MECOM: variants seen among roughly 807,000 people sequenced by gnomAD.
The protein encoded by MECOM is MDS1 and EVI1 complex locus, also known as histone-lysine N-methyltransferase MECOM.
A neutral mutation model predicts 116.3 loss-of-function variants in MECOM; 13 were observed. The observed-to-expected ratio is 0.11, with a 90% CI of 0.07 to 0.18. The LOEUF is 0.18. Ranked by LOEUF, MECOM falls within the 10% of genes least tolerant of loss-of-function variation. MECOM has a pLI of 1.00. For synonymous variants in MECOM, 528 were observed against 535.2 expected, an observed-to-expected ratio of 0.99 and a Z score of 0.19; for missense variants, 1,299 against 1,509.0, an observed-to-expected ratio of 0.86 and a Z score of 2.31.
intron 1 of MECOM, among the ~76,000 whole-genome samples, chr3:169,389,049 T>C (rs1733831404): frequency 6.6e-6 from 1 of 152,208 alleles, no homozygotes; most frequent in Admixed American, 6.5e-5. Flanking sequence ...CTCCTGGTAT[T>C]GCGGCATACT....
At chr3:169,364,253 G>A (rs1728792482) in intron 2 of MECOM, among the ~76,000 whole-genome samples, 1 of 151,868 alleles carries the variant, frequency 6.6e-6, no homozygotes, top group Admixed American at 6.6e-5. Context: ...GAAGTCGACT[G>A]TTTTGTTAAT....
intron 2 of MECOM, among the ~76,000 whole-genome samples, chr3:169,149,130 T>G (rs1055478774): frequency 2.7e-5 from 4 of 150,232 alleles, no homozygotes; most frequent in Admixed American, 2.0e-4. Flanking sequence ...GCTCGAGCTA[T>G]GAGCTGTTCT....
chr3:169,524,109 T>G (rs1435218738), intron 1 of MECOM, among the ~76,000 whole-genome samples: 1 of 150,372 alleles, frequency 6.7e-6, no homozygotes, highest in Non-Finnish European at 1.5e-5. Context: ...CATTCTGAAT[T>G]TTATCTGGCA....
At chr3:169,098,268 A>C (rs1335906523) in intron 12 of MECOM, among the ~76,000 whole-genome samples, 1 of 152,226 alleles carries the variant, frequency 6.6e-6, no homozygotes, top group Non-Finnish European at 1.5e-5. Context: ...CTATGATCCC[A>C]CATTGCATTT....
chr3:169,657,878 T>G (rs1019427085), intron 1 of MECOM, among the ~76,000 whole-genome samples: 1 of 152,240 alleles, frequency 6.6e-6, no homozygotes, highest in Non-Finnish European at 1.5e-5. Flanking sequence ...GATTATACTT[T>G]TTTCATTTCC....
intron 1 of MECOM, among the ~76,000 whole-genome samples, chr3:169,495,936 T>C (rs1243467689): frequency 6.6e-6 from 1 of 152,202 alleles, no homozygotes; most frequent in Non-Finnish European, 1.5e-5. Flanking sequence ...GAGCTATACC[T>C]GTAAAGTCTT....
At chr3:169,149,252 G>C (rs964150726) in intron 2 of MECOM, among the ~76,000 whole-genome samples, 1 of 152,042 alleles carries the variant, frequency 6.6e-6, no homozygotes, top group Non-Finnish European at 1.5e-5. Context: ...GGGGGTCTGG[G>C]AGCTCAGCGC....
chr3:169,108,296 G>C (rs1231308247), intron 9 of MECOM, among the ~76,000 whole-genome samples: 1 of 151,952 alleles, frequency 6.6e-6, no homozygotes, highest in Admixed American at 6.6e-5. Context: ...CTAAAAATTA[G>C]GCCATTTCCT....
rs143181770 is a variant in MECOM, at chr3:169,447,273, TC to T, written c.38-65750del. ...GTTCTCCTGCTCCACCTCCATCTTC[TC>T]CTATAAAAATGCACCTTCTCATTCA... On this transcript the variant is annotated intron_variant, in intron 1 of 16. Transcript: ENST00000651503. 1.9e-3 allele frequency among the ~76,000 whole-genome samples: 282 copies of T among 152,198 alleles called. 5 individuals are homozygous for T. In the East Asian group the frequency reaches 0.048, roughly 26 times the overall value.
intron 1 of MECOM, among the ~76,000 whole-genome samples, chr3:169,553,663 T>C (rs1761673806): frequency 6.6e-6 from 1 of 152,210 alleles, no homozygotes; most frequent in Admixed American, 6.5e-5. Context: ...TTTCTCACAG[T>C]TCCAGATGCT....
intron 2 of MECOM, among the ~76,000 whole-genome samples, chr3:169,261,765 A>G (rs201763095): frequency 7.6e-6 from 1 of 131,212 alleles, no homozygotes; most frequent in African/African-American, 3.0e-5. Flanking sequence ...AAGAAGAGGA[A>G]GAAGAAGACG....
chr3:169,232,674 T>A (rs1753547587), intron 2 of MECOM, among the ~76,000 whole-genome samples: 1 of 151,968 alleles, frequency 6.6e-6, no homozygotes, highest in Admixed American at 6.6e-5. Flanking sequence ...TATACACATA[T>A]TTTTAAGAGG....
chr3:169,135,828 A>T (rs1560245790), intron 3 of MECOM, among the ~76,000 whole-genome samples: 1 of 151,846 alleles, frequency 6.6e-6, no homozygotes, highest in Admixed American at 6.6e-5. Context: ...TTTTATAGTA[A>T]ATGTTTTAGT....
chr3:169,554,230 G>T (rs1198741995), intron 1 of MECOM, among the ~76,000 whole-genome samples: 1 of 152,114 alleles, frequency 6.6e-6, no homozygotes, highest in Non-Finnish European at 1.5e-5. Context: ...CTGGGTCCCT[G>T]AAAATAGTGG....
chr3:169,309,135 C>T (rs1016142332), intron 2 of MECOM, among the ~76,000 whole-genome samples: 1 of 151,946 alleles, frequency 6.6e-6, no homozygotes, highest in African/African-American at 2.4e-5. Context: ...CCCCTGAAAC[C>T]GGACTCTATA....
chr3:169,607,854 C>G (rs1288074519), intron 1 of MECOM, among the ~76,000 whole-genome samples: 2 of 152,220 alleles, frequency 1.3e-5, no homozygotes, highest in Non-Finnish European at 2.9e-5. Context: ...ATGGAAGGCT[C>G]TGCTTGGGGT....
chr3:169,399,989 G>A (rs369833158), intron 1 of MECOM, among the ~76,000 whole-genome samples: 1 of 152,246 alleles, frequency 6.6e-6, no homozygotes, highest in East Asian at 1.9e-4. Flanking sequence ...TTAGACTGAG[G>A]TAGGATAAAT....
intron 10 of MECOM, among the ~76,000 whole-genome samples, chr3:169,104,664 A>C (rs1372850094): frequency 6.6e-6 from 1 of 152,232 alleles, no homozygotes; most frequent in Non-Finnish European, 1.5e-5. Flanking sequence ...AACATCTCAT[A>C]GAAACACGTT....
At chr3:169,653,734 A>T (rs1775197012) in intron 1 of MECOM, among the ~76,000 whole-genome samples, 1 of 152,194 alleles carries the variant, frequency 6.6e-6, no homozygotes, top group Non-Finnish European at 1.5e-5. Flanking sequence ...TATTTAAGGC[A>T]CTCTAAATGC....
Sources: allele counts gnomAD v4.1 joint callset (sites outside exome capture counted in the v4.1 genomes callset), GRCh38; gene constraint gnomAD v4.1.1; transcripts MANE v1.5; gene names NCBI Gene and HGNC (gene_info 2026-07-23, HGNC 2026-07-21).